The following SLFN13 variants were observed in gnomAD, a reference collection of about 807,000 sequenced individuals.
SLFN13 encodes schlafen family member 13.
SLFN13 carries 43 observed loss-of-function variants against 50.6 expected under a neutral mutation model. That is an observed-to-expected ratio of 0.85 (90% CI 0.67 to 1.09). SLFN13 has a LOEUF of 1.09. SLFN13 is among the 50% of genes least tolerant of loss of function. The probability of loss-of-function intolerance (pLI) is 0.00; values close to 1 mark genes in which losing one functional copy is unlikely to be tolerated. For synonymous variants in SLFN13, 339 were observed against 386.5 expected, an observed-to-expected ratio of 0.88 and a Z score of 1.44; for missense variants, 881 against 1,071.1, an observed-to-expected ratio of 0.82 and a Z score of 2.48.
rs1448482886 is a variant in SLFN13, at chr17:35,440,593, C to T, written c.*2G>A. 3 of 1,613,788 alleles carry T rather than the reference C, an allele frequency of 1.9e-6. No homozygotes were observed. Among genetic ancestry groups the T allele is most frequent in the Non-Finnish European group, 2.5e-6 (3 of 1,179,772 alleles). On this transcript the variant is annotated 3_prime_UTR_variant, in exon 6 of 6. Coordinates refer to ENST00000285013, the MANE Select transcript of SLFN13 (RefSeq NM_144682.6). ...GGTTTGGAGTTCTTCCTAATAGTCA[C>T]TTCACAGAAAAATATATAGGTGCTG...
chr17:35,440,399 C>G lies in SLFN13; in HGVS notation c.*196G>C, dbSNP rs1279674660. 3.1e-6 allele frequency: 2 copies of G among 653,140 alleles called. No homozygotes were observed. Among genetic ancestry groups the G allele is most frequent in the African/African-American group, 1.8e-5 (1 of 54,870 alleles). The allele number at this position is 653,140 out of a possible 1,614,324, so 40.5% of individuals were successfully genotyped here. ...CAGGGGTCAGAATGGGGGGCAGCCA[C>G]CACTGCTGAAAAGAGTTGGGGGAGG... On this transcript the variant is annotated 3_prime_UTR_variant, in exon 6 of 6. Transcript: ENST00000285013.
At chr17:35,446,458 G>T (rs1234617734) in intron 2 of SLFN13, among the ~76,000 whole-genome samples, 2 of 152,176 alleles carry the variant, frequency 1.3e-5, no homozygotes, top group Non-Finnish European at 2.9e-5. Flanking sequence ...AAGATGGCTT[G>T]AATTCCAGTT....
chr17:35,445,076 T>C lies in SLFN13; in HGVS notation c.605A>G (p.Glu202Gly), dbSNP rs1450042708. The C allele has an allele frequency of 6.2e-7, 1 of 1,614,032 alleles. No individual in the cohort carries two copies. Among genetic ancestry groups the C allele is most frequent in the African/African-American group, 1.3e-5 (1 of 75,072 alleles). Residue 202 changes from glutamate (E) to glycine (G), a missense_variant, in exon 3 of 6, where the codon GAA (glutamate) becomes GGA (glycine). Glu to Gly is a moderately conservative substitution (Grantham distance 98, BLOSUM62 -2). Coordinates refer to ENST00000285013, the MANE Select transcript of SLFN13 (RefSeq NM_144682.6). ...TGGAGACTCAGGAAAAGATAGGATT[T>C]CACCATATTCAATAGTGTCAGTTTG... ...VFQTDTIEYGEILSFPESPSI... is the reference protein window; with the variant it reads ...VFQTDTIEYGGILSFPESPSI...
chr17:35,444,072 T>C (rs1430404848), intron 3 of SLFN13, 152 bp from the exon 4 acceptor site: 10 of 631,288 alleles, frequency 1.6e-5, no homozygotes, highest in East Asian at 3.0e-5. Flanking sequence ...TATGTCCAGG[T>C]TCCCAAAGAT....
In SLFN13 at chr17:35,441,330, A is replaced by G. The variant is rs1183980267; in HGVS notation, c.1959T>C (p.Thr653=). ...TGTGTTCAAATTTTTCTCTTAGGAA[A>G]GTTTCCCGGGTCTCTGCTCGGCAGA... ...RNICRAETRE[T]FLREKFEHIQ... The change falls in exon 6 of 6, where the codon ACT becomes ACC. Residue 653 remains threonine, a synonymous_variant. Coordinates refer to ENST00000285013, the MANE Select transcript of SLFN13 (RefSeq NM_144682.6). 1 of 1,611,802 alleles carries G rather than the reference A, an allele frequency of 6.2e-7. No individual in the cohort carries two copies. Among genetic ancestry groups the G allele is most frequent in the Non-Finnish European group, 8.5e-7 (1 of 1,179,394 alleles).
rs1337565870 is a variant in SLFN13, at chr17:35,440,737, A to G, written c.2552T>C (p.Leu851Ser). Residue 851 changes from leucine (L) to serine (S), a missense_variant, in exon 6 of 6, where the codon TTG becomes TCG. By Grantham distance (145) the Leu-to-Ser change is moderately radical. Transcript: ENST00000285013. ...ACDMLGVHIV[L>S]DSVRRFSGLE... ...GCCTGAGAATCGCCGGACACTGTCC[A>G]ACACAATGTGCACACCCAACATATC... The G allele has an allele frequency of 2.0e-5, 32 of 1,614,116 alleles. No homozygotes were observed. The highest frequency in any genetic ancestry group is 2.4e-5 in the Non-Finnish European group (28 of 1,180,020).
At chr17:35,442,457 T>C (rs1912969264) in intron 4 of SLFN13, among the ~76,000 whole-genome samples, 171 bp from the exon 5 acceptor site, 1 of 152,198 alleles carries the variant, frequency 6.6e-6, no homozygotes. Flanking sequence ...TGTCTGTCTG[T>C]TTTTGAGACG....
Position 35,440,418 on chromosome 17 carries a change from G to A in SLFN13, c.*177C>T. On this transcript the variant is annotated 3_prime_UTR_variant, in exon 6 of 6. Coordinates refer to ENST00000285013, the MANE Select transcript of SLFN13 (RefSeq NM_144682.6). Reference sequence around the variant, plus strand: ...CAGCCACCACTGCTGAAAAGAGTTGGGGGAGGAACCCCTGAAAGGAGAGCC... The same window carrying A: ...CAGCCACCACTGCTGAAAAGAGTTGAGGGAGGAACCCCTGAAAGGAGAGCC... 1 of 723,042 alleles carries A rather than the reference G, an allele frequency of 1.4e-6. No individual in the cohort carries two copies. The highest frequency in any genetic ancestry group is 2.2e-6 in the Non-Finnish European group (1 of 445,168). The allele number at this position is 723,042 out of a possible 1,614,324, so 44.8% of individuals were successfully genotyped here.
chr17:35,445,378 G>C lies in SLFN13; in HGVS notation c.303C>G (p.His101Gln). ...TAACAAAAATATAAAAACACCTTCCGTGTTGCTTAGTCTCAAAGAAAGCCT... is the reference window on the plus strand; with the variant it reads ...TAACAAAAATATAAAAACACCTTCCCTGTTGCTTAGTCTCAAAGAAAGCCT... The part of the protein sequence containing the change: ...YLQAFFETKQ[H>Q]GRCFYIFVKS... The change falls in exon 3 of 6, where the codon CAC becomes CAG. Residue 101 changes from histidine to glutamine, a missense_variant. His to Gln is a conservative substitution (Grantham distance 24). Around this residue, in one of 5 missense-constraint regions of SLFN13, gnomAD observed 497 missense variants for 518.3 expected, o/e 0.96. Coordinates refer to ENST00000285013, the MANE Select transcript of SLFN13 (RefSeq NM_144682.6). 1 of 1,614,062 alleles carries C rather than the reference G, an allele frequency of 6.2e-7. No homozygotes were observed. Among genetic ancestry groups the C allele is most frequent in the Non-Finnish European group, 8.5e-7 (1 of 1,180,012 alleles).
intron 4 of SLFN13, among the ~76,000 whole-genome samples, chr17:35,442,653 C>G (rs1364231509): frequency 6.6e-6 from 1 of 152,134 alleles, no homozygotes; most frequent in Admixed American, 6.5e-5. Flanking sequence ...CCATGTTGGC[C>G]AGGATGGTCT....
Position 35,441,984 on chromosome 17 carries a change from T to C in SLFN13, c.1501A>G (p.Met501Val), listed in dbSNP as rs745604994. ...CACACCTTCCCGGTGTAGCCCCCCA[T>C]GTTCACTAGCTTCTGCTTCAAAGTA... ...AFTLKQKLVN[M>V]GGYTGKVCVR... The change falls in exon 5 of 6, where the codon ATG becomes GTG. Residue 501 changes from methionine to valine, a missense_variant. By Grantham distance (21) the Met-to-Val change is conservative. This residue lies in a region of SLFN13 where 22 missense variants were observed against 132.0 expected (regional missense o/e 0.17). Transcript: ENST00000285013. 42 of 1,614,084 alleles carry C rather than the reference T, an allele frequency of 2.6e-5. No homozygotes were observed. The highest frequency in any genetic ancestry group is 1.6e-4 in the South Asian group (15 of 91,082).
In SLFN13 at chr17:35,441,022, A is replaced by G; in HGVS notation, c.2267T>C (p.Ile756Thr). Residue 756 changes from isoleucine to threonine, a missense_variant, in exon 6 of 6, where the codon ATC becomes ACC. By Grantham distance (89) the Ile-to-Thr change is moderately conservative. Coordinates refer to ENST00000285013, the MANE Select transcript of SLFN13 (RefSeq NM_144682.6). ...QLIIENPPIN[I>T]PHGYLAILSE... ...GAGAATTGCCAGATACCCATGGGGG[A>G]TATTAATTGGAGGATTTTCTATAAT... 1 of 1,612,918 alleles carries G rather than the reference A, an allele frequency of 6.2e-7. No homozygotes were observed. Among genetic ancestry groups the G allele is most frequent in the Non-Finnish European group, 8.5e-7 (1 of 1,179,986 alleles).
At chr17:35,446,490 T>C (rs182602546) in intron 2 of SLFN13, among the ~76,000 whole-genome samples, 73 of 152,330 alleles carry the variant, frequency 4.8e-4, no homozygotes, top group Non-Finnish European at 8.7e-4. Flanking sequence ...TACTGTTATA[T>C]TAGTCTAGAT....
At chr17:35,449,245 CAAA>C (rs10537503), upstream of SLFN13, among the ~76,000 whole-genome samples, 50,108 of 140,004 alleles carry the variant, frequency 0.36, 8,791 homozygotes, top group African/African-American at 0.46. Flanking sequence ...GTTCCCCCTA[CAAA>C]AAAAAAAAAA....
upstream of SLFN13, among the ~76,000 whole-genome samples, chr17:35,449,544 C>G (rs544823862): frequency 1.5e-4 from 23 of 152,314 alleles, no homozygotes; most frequent in Non-Finnish European, 3.1e-4. Context: ...GCGACGGATG[C>G]TCGGATCGGG....
At position 35,436,311 on chromosome 17, in the gene SLFN13, A is replaced by G. The variant is rs1912644507; in HGVS notation, c.*4284T>C. ...CGAGTTAAACACTTTTTTAATTCCAAAAGATATGAACATTTTTCTAGTTAC... is the reference window on the plus strand; with the variant it reads ...CGAGTTAAACACTTTTTTAATTCCAGAAGATATGAACATTTTTCTAGTTAC... On this transcript the variant is annotated 3_prime_UTR_variant, in exon 6 of 6. Coordinates refer to ENST00000285013, the MANE Select transcript of SLFN13 (RefSeq NM_144682.6). 6.6e-6 allele frequency: 1 copy of G among 152,186 alleles called. No homozygotes were observed. Among genetic ancestry groups the G allele is most frequent in the African/African-American group, 2.4e-5 (1 of 41,454 alleles). The allele number at this position is 152,186 out of a possible 1,614,324, so 9.4% of individuals were successfully genotyped here. A position where few individuals can be genotyped will look rare whatever the true frequency, so the allele number is the denominator to read the frequency against.
In SLFN13 at chr17:35,445,194, A is replaced by T. The variant is rs373542780; in HGVS notation, c.487T>A (p.Tyr163Asn). 3.7e-6 allele frequency: 6 copies of T among 1,613,570 alleles called. No individual in the cohort carries two copies. In the African/African-American group the frequency reaches 6.7e-5, roughly 18 times the overall value. ...FLKTKERQSK[Y>N]NLINEGSPPS... Reference sequence around the variant, plus strand: ...GGAGACCCTTCATTAATCAGATTATATTTGGACTGTCTTTCCTTGGTCTTC... The same window carrying T: ...GGAGACCCTTCATTAATCAGATTATTTTTGGACTGTCTTTCCTTGGTCTTC... Residue 163 changes from tyrosine (Y) to asparagine (N), a missense_variant, in exon 3 of 6, where the codon TAT becomes AAT. Tyr to Asn is a moderately radical substitution (Grantham distance 143). Coordinates refer to ENST00000285013, the MANE Select transcript of SLFN13 (RefSeq NM_144682.6).
chr17:35,440,600 GA>G lies in SLFN13; in HGVS notation c.2688del (p.Leu897CysfsTer20), dbSNP rs1221850580. The G allele has an allele frequency of 3.7e-6, 6 of 1,613,950 alleles. No homozygotes were observed. The highest frequency in any genetic ancestry group is 5.1e-6 in the Non-Finnish European group (6 of 1,179,884). On this transcript the variant is annotated frameshift_variant, in exon 6 of 6. Coordinates refer to ENST00000285013, the MANE Select transcript of SLFN13 (RefSeq NM_144682.6). LOFTEE classifies it high-confidence loss of function. ...ASRAKQHLYI[F>X]L ...AGTTCTTCCTAATAGTCACTTCACA[GA>G]AAAATATATAGGTGCTGTTTTGCCC...
intron 2 of SLFN13, chr17:35,446,091 G>A (rs1913202093): frequency 6.3e-6 from 1 of 158,080 alleles, no homozygotes; most frequent in Non-Finnish European, 1.4e-5. Flanking sequence ...CATGGCATGA[G>A]AACATCTAGG....
Sources: allele counts gnomAD v4.1 joint callset (sites outside exome capture counted in the v4.1 genomes callset), GRCh38; gene constraint gnomAD v4.1.1; regional missense constraint gnomAD v4.1.1; transcripts MANE v1.5; gene names NCBI Gene and HGNC (gene_info 2026-07-23, HGNC 2026-07-21).